Variants in STAC observed in about 807,000 individuals in gnomAD.
The protein encoded by STAC is SH3 and cysteine rich domain.
A neutral mutation model predicts 48.8 loss-of-function variants in STAC; 43 were observed. The ratio of observed to expected loss-of-function variants is 0.88; its 90% CI spans 0.69 to 1.14. The LOEUF (loss-of-function observed/expected upper bound fraction) is 1.14, where lower values mean the gene tolerates loss of function less well. STAC is among the 50% of genes most tolerant of loss of function. The pLI is 0.00. For synonymous variants in STAC, 193 were observed against 179.5 expected, an observed-to-expected ratio of 1.07 and a Z score of -0.60; for missense variants, 497 against 504.0, an observed-to-expected ratio of 0.99 and a Z score of 0.13.
intron 8 of STAC, among the ~76,000 whole-genome samples, chr3:36,519,178 G>T (rs889215584): frequency 6.6e-6 from 1 of 152,156 alleles, no homozygotes; most frequent in South Asian, 2.1e-4. Context: ...AGGGGCAAAG[G>T]CAAGCCCCAT....
chr3:36,481,716 T>C (rs1025199451), intron 2 of STAC, among the ~76,000 whole-genome samples: 3 of 152,214 alleles, frequency 2.0e-5, no homozygotes, highest in Admixed American at 2.0e-4. Flanking sequence ...CCAACCCTTT[T>C]CCTAACAATC....
chr3:36,383,078 A>G (rs1699547026), intron 1 of STAC, among the ~76,000 whole-genome samples: 2 of 152,230 alleles, frequency 1.3e-5, no homozygotes, highest in Admixed American at 6.5e-5. Context: ...CCAGACATAA[A>G]TGATGAAAAG....
intron 1 of STAC, among the ~76,000 whole-genome samples, chr3:36,398,355 G>GAA (rs1553631478): frequency 1.5e-5 from 2 of 133,428 alleles, no homozygotes; most frequent in Non-Finnish European, 1.6e-5. Flanking sequence ...AAGAAAGAAA[G>GAA]AAAGAAAGAA....
intron 1 of STAC, among the ~76,000 whole-genome samples, chr3:36,433,754 A>G (rs551068177): frequency 6.6e-6 from 1 of 152,352 alleles, no homozygotes; most frequent in South Asian, 2.1e-4. Context: ...ATTTACTGGT[A>G]GAACCTAAGC....
intron 1 of STAC, among the ~76,000 whole-genome samples, chr3:36,439,158 G>C (rs546094866): frequency 5.9e-5 from 9 of 152,118 alleles, no homozygotes; most frequent in Non-Finnish European, 1.2e-4. Context: ...TTGAACCCTG[G>C]TCTTGATTCA....
chr3:36,422,652 C>T (rs1331869176), intron 1 of STAC, among the ~76,000 whole-genome samples: 1 of 152,070 alleles, frequency 6.6e-6, no homozygotes, highest in Non-Finnish European at 1.5e-5. Flanking sequence ...TCTCTGCCAA[C>T]AGAGGCCACA....
chr3:36,520,385 G>A (rs1698772174), intron 8 of STAC, among the ~76,000 whole-genome samples: 1 of 152,168 alleles, frequency 6.6e-6, no homozygotes, highest in South Asian at 2.1e-4. Flanking sequence ...AAGATAGGCA[G>A]TGGGCCAGTG....
rs1255778788 is a variant in STAC, at chr3:36,398,629, AGAGAG to A, written c.111+17876_111+17880del. On this transcript the variant is annotated intron_variant, in intron 1 of 10. Transcript: ENST00000273183. Reference sequence around the variant, plus strand: ...GGAAGGAGGGAAGGAAGAGAAAAAGAGAGAGAAAGAAAGAAAGAAAGAGAAAGAAA... The same window carrying A: ...GGAAGGAGGGAAGGAAGAGAAAAAGAAAAGAAAGAAAGAAAGAGAAAGAAA... Among the ~76,000 whole-genome samples, 30 of 100,040 alleles carry A rather than the reference AGAGAG, an allele frequency of 3.0e-4. 2 individuals are homozygous for A. The highest frequency in any genetic ancestry group is 5.0e-4 in the Non-Finnish European group (23 of 45,644). The allele number at this position is 100,040 out of a possible 152,430, so 65.6% of individuals were successfully genotyped here. A position where few individuals can be genotyped will look rare whatever the true frequency, so the allele number is the denominator to read the frequency against.
chr3:36,486,305 C>A, intron 5 of STAC, 56 bp downstream of exon 5: 1 of 1,479,386 alleles, frequency 6.8e-7, no homozygotes. Context: ...CAGAGCGGGC[C>A]TCAGGCACTG....
intron 5 of STAC, among the ~76,000 whole-genome samples, chr3:36,486,451 C>T (rs922825990): frequency 6.6e-6 from 1 of 152,206 alleles, no homozygotes; most frequent in Middle Eastern, 3.2e-3. Context: ...GATTATTTTA[C>T]TTTCCTGTCC....
At chr3:36,398,517 AAGAGAG>A (rs1263196120) in intron 1 of STAC, among the ~76,000 whole-genome samples, 10 of 39,720 alleles carry the variant, frequency 2.5e-4, no homozygotes, top group Non-Finnish European at 5.0e-4. Flanking sequence ...GAGAAAAAGA[AAGAGAG>A]AGAAAGAAAG....
chr3:36,441,966 C>T (rs1696363163), intron 1 of STAC, among the ~76,000 whole-genome samples: 1 of 151,956 alleles, frequency 6.6e-6, no homozygotes, highest in African/African-American at 2.4e-5. Flanking sequence ...CATTGAGATG[C>T]TTGAGTTTCT....
At position 36,443,332 on chromosome 3, in the gene STAC, G is replaced by GT. The variant is rs749335903; in HGVS notation, c.112-31dup. The stretch of plus-strand genomic sequence containing the variant: ...CCTAGGTCTGCTTGATCCATTGATC[G>GT]TAAGAGAGACTGTTCTGTCATTGCA... On this transcript the variant is annotated intron_variant, in intron 1 of 10. Coordinates refer to ENST00000273183, the MANE Select transcript of STAC (RefSeq NM_003149.3). This position sits in a 1 kb window ranked among gnomAD's most constrained non-coding sequence, Gnocchi z 4.2. 5.0e-6 allele frequency: 8 copies of GT among 1,612,546 alleles called. No homozygotes were observed. In the Admixed American group the frequency reaches 1.0e-4, roughly 20 times the overall value.
chr3:36,440,981 T>C (rs1216768315), intron 1 of STAC, among the ~76,000 whole-genome samples: 1 of 152,252 alleles, frequency 6.6e-6, no homozygotes, highest in Non-Finnish European at 1.5e-5. Flanking sequence ...ATAAAATAAT[T>C]GTACCTATTT....
At chr3:36,470,734 T>A (rs1237336718) in intron 2 of STAC, among the ~76,000 whole-genome samples, 1 of 152,244 alleles carries the variant, frequency 6.6e-6, no homozygotes. Context: ...TCTCCCCAAG[T>A]GGGATCTGCA....
At chr3:36,470,125 G>A (rs1343281743) in intron 2 of STAC, among the ~76,000 whole-genome samples, 1 of 152,126 alleles carries the variant, frequency 6.6e-6, no homozygotes, top group Non-Finnish European at 1.5e-5. Flanking sequence ...TGATCTTTTG[G>A]AGGTGTTAAA....
chr3:36,518,651 C>A (rs545545762), intron 8 of STAC, among the ~76,000 whole-genome samples: 1 of 152,168 alleles, frequency 6.6e-6, no homozygotes, highest in East Asian at 1.9e-4. Flanking sequence ...TCTCCATGGG[C>A]AAGTCTGAAT....
chr3:36,391,852 TTTCTCAGG>T (rs1281544477), intron 1 of STAC, among the ~76,000 whole-genome samples: 1 of 152,166 alleles, frequency 6.6e-6, no homozygotes. Flanking sequence ...CCAGCATGTT[TTTCTCAGG>T]TCTGGAAGCA....
intron 2 of STAC, among the ~76,000 whole-genome samples, chr3:36,479,824 A>G (rs1697597297): frequency 6.6e-6 from 1 of 152,246 alleles, no homozygotes; most frequent in African/African-American, 2.4e-5. Context: ...TAGTGATAAA[A>G]CAAGTCAGAC....
Sources: gnomAD v4.1 joint callset for allele counts (sites outside exome capture counted in the v4.1 genomes callset) on GRCh38, gnomAD v4.1.1 for gene constraint, Gnocchi (gnomAD v3.1) non-coding constraint, MANE v1.5 for transcripts, NCBI Gene and HGNC (gene_info 2026-07-23, HGNC 2026-07-21) for gene names.